The following ITPR1 variants were observed in gnomAD, a reference collection of about 807,000 sequenced individuals.
ITPR1 encodes the protein inositol 1,4,5-trisphosphate receptor type 1.
A neutral mutation model predicts 318.4 loss-of-function variants in ITPR1; 96 were observed. That is an observed-to-expected ratio of 0.30 (90% confidence interval 0.26 to 0.36). ITPR1 has a LOEUF of 0.36. ITPR1 is among the 10% of genes least tolerant of loss of function. The pLI, the probability that ITPR1 is intolerant of heterozygous loss-of-function variation, is 1.00. For missense variants in ITPR1, 2,440 were observed against 3,460.2 expected (o/e 0.71, Z 7.40); for synonymous variants, 1,312 against 1,289.9 (o/e 1.02, Z -0.37).
chr3:4,768,598 T>C lies in ITPR1; in HGVS notation c.5813T>C (p.Phe1938Ser). 1 of 1,613,968 alleles carries C rather than the reference T, an allele frequency of 6.2e-7. No homozygotes were observed. The highest frequency in any genetic ancestry group is 1.1e-5 in the South Asian group (1 of 91,084). Residue 1938 changes from phenylalanine to serine, a missense_variant, in exon 46 of 62, where the codon TTC becomes TCC. Around this residue, in one of 23 missense-constraint regions of ITPR1, gnomAD observed 113 missense variants for 103.6 expected, o/e 1.09. Transcript: ENST00000649015. ...GCCACCAGGAAAGCCTTCACCACTT[T>C]CAGGAGGGAGGCTGATCCCGACGAC... Reference protein sequence around the residue: ...SAATRKAFTTFRREADPDDHY... With the variant: ...SAATRKAFTTSRREADPDDHY...
intron 31 of ITPR1, 73 bp downstream of exon 31, chr3:4,688,693 CT>C (rs2094435513): frequency 3.4e-6 from 5 of 1,481,660 alleles, no homozygotes; most frequent in Admixed American, 3.7e-5. Flanking sequence ...ACAGCTTGTT[CT>C]TTGGCTGTTG....
At chr3:4,612,520 A>G (rs915375743) in intron 4 of ITPR1, among the ~76,000 whole-genome samples, 1 of 150,724 alleles carries the variant, frequency 6.6e-6, no homozygotes, top group Admixed American at 6.6e-5. Context: ...ATATCCCCCC[A>G]CTTCTGTCCC....
chr3:4,687,572 G>T (rs1247283474), intron 30 of ITPR1, among the ~76,000 whole-genome samples: 3 of 152,200 alleles, frequency 2.0e-5, no homozygotes, highest in African/African-American at 7.2e-5. Context: ...GACTTAGGAA[G>T]ACTATTGTGG....
intron 30 of ITPR1, among the ~76,000 whole-genome samples, chr3:4,685,753 T>C (rs1001666402): frequency 1.3e-5 from 2 of 152,220 alleles, no homozygotes; most frequent in African/African-American, 4.8e-5. Context: ...CATTGATACG[T>C]ATTTGATTTG....
At chr3:4,785,203 A>G (rs2047105085) in intron 51 of ITPR1, among the ~76,000 whole-genome samples, 1 of 152,192 alleles carries the variant, frequency 6.6e-6, no homozygotes, top group Admixed American at 6.5e-5. Flanking sequence ...GCTCAGAGAG[A>G]CTGTGTCACT....
chr3:4,504,453 G>T lies in ITPR1; in HGVS notation c.-17+9947G>T, dbSNP rs112503268. 1.0e-3 allele frequency among the ~76,000 whole-genome samples: 154 copies of T among 152,284 alleles called. No individual in the cohort carries two copies. The Middle Eastern group carries it at 0.017, about 17-fold the overall frequency. The stretch of plus-strand genomic sequence containing the variant: ...TTGGTGACTTCCTTTGGGACTGCCT[G>T]AAAACGAAAGCATAATACAATTTTC... On this transcript the variant is annotated intron_variant, in intron 2 of 61. Coordinates refer to ENST00000649015, the MANE Select transcript of ITPR1 (RefSeq NM_001378452.1).
At chr3:4,676,447 C>G (rs865926883) in intron 23 of ITPR1, among the ~76,000 whole-genome samples, 167 bp from the exon 24 acceptor site, 80 of 152,072 alleles carry the variant, frequency 5.3e-4, no homozygotes, top group African/African-American at 1.9e-3. Flanking sequence ...TCTCAGAAGC[C>G]CAGATTTTTG....
chr3:4,675,868 A>T (rs768572735), intron 23 of ITPR1, among the ~76,000 whole-genome samples: 2 of 152,168 alleles, frequency 1.3e-5, no homozygotes, highest in Non-Finnish European at 2.9e-5. Flanking sequence ...TCTTGTGCTG[A>T]GTCATGTTGC....
intron 55 of ITPR1, among the ~76,000 whole-genome samples, chr3:4,808,895 T>A (rs150005063): frequency 1.2e-4 from 18 of 152,282 alleles, no homozygotes; most frequent in South Asian, 4.1e-4. Flanking sequence ...GACCTGGTCG[T>A]GAGCCTGCAT....
At chr3:4,633,059 G>A (rs576265070) in intron 5 of ITPR1, among the ~76,000 whole-genome samples, 2 of 149,590 alleles carry the variant, frequency 1.3e-5, no homozygotes, top group Admixed American at 6.8e-5. Context: ...CTGCCTTAGC[G>A]TCCTGAGTAG....
chr3:4,726,852 A>G (rs1458211798), intron 41 of ITPR1, among the ~76,000 whole-genome samples: 1 of 152,182 alleles, frequency 6.6e-6, no homozygotes, highest in Admixed American at 6.5e-5. Flanking sequence ...CTTCTTTTTC[A>G]TGATCTTTGC....
chr3:4,812,604 G>A (rs914168216), intron 56 of ITPR1, among the ~76,000 whole-genome samples: 15 of 152,268 alleles, frequency 9.9e-5, no homozygotes, highest in African/African-American at 3.6e-4. Context: ...AATACTACTG[G>A]TTTTTCATCC....
intron 4 of ITPR1, among the ~76,000 whole-genome samples, chr3:4,531,847 G>A (rs1019438438): frequency 2.6e-5 from 4 of 152,160 alleles, no homozygotes; most frequent in Non-Finnish European, 5.9e-5. Flanking sequence ...GCAAGCAGCT[G>A]CTCCTTTTGC....
chr3:4,524,660 T>C (rs1316447693), intron 4 of ITPR1, among the ~76,000 whole-genome samples: 2 of 152,214 alleles, frequency 1.3e-5, no homozygotes, highest in African/African-American at 2.4e-5. Context: ...TCATAACCTG[T>C]TCTTAAGTAA....
At chr3:4,808,746 G>C (rs1024471939) in intron 55 of ITPR1, among the ~76,000 whole-genome samples, 7 of 152,212 alleles carry the variant, frequency 4.6e-5, no homozygotes, top group South Asian at 2.1e-4. Context: ...GCCTGTAAAA[G>C]GAGAGAGACC....
chr3:4,589,298 A>G (rs1327917560), intron 4 of ITPR1, among the ~76,000 whole-genome samples: 3 of 152,098 alleles, frequency 2.0e-5, no homozygotes, highest in Non-Finnish European at 4.4e-5. Context: ...TCATTCTCTT[A>G]TTTCGTGAAA....
intron 4 of ITPR1, among the ~76,000 whole-genome samples, chr3:4,548,309 G>C (rs1192762477): frequency 6.6e-6 from 1 of 152,110 alleles, no homozygotes; most frequent in Non-Finnish European, 1.5e-5. Flanking sequence ...TTATACATTT[G>C]GATTTCCTTT....
rs2093919137 is a variant in ITPR1, at chr3:4,665,135, C to A, written c.1555-3C>A. 1.2e-6 allele frequency: 2 copies of A among 1,613,880 alleles called. No individual in the cohort carries two copies. The highest frequency in any genetic ancestry group is 2.7e-5 in the African/African-American group (2 of 74,948). On this transcript the variant is annotated splice_polypyrimidine_tract_variant and splice_region_variant and intron_variant, in intron 16 of 61. Transcript: ENST00000649015. ...CATTTTTGCTTTTCATTTTCACAAA[C>A]AGATCTTCAAGTTGTTACAAGCCCC... is the stretch of plus-strand genomic sequence containing the variant.
At chr3:4,818,507 G>A (rs1388430458) in intron 60 of ITPR1, among the ~76,000 whole-genome samples, 1 of 152,168 alleles carries the variant, frequency 6.6e-6, no homozygotes, top group Non-Finnish European at 1.5e-5. Flanking sequence ...CACGGAACTG[G>A]GGCTGGGATT....
Sources: gnomAD v4.1 joint callset for allele counts (sites outside exome capture counted in the v4.1 genomes callset) on GRCh38, gnomAD v4.1.1 for gene constraint, gnomAD v4.1.1 regional missense constraint, MANE v1.5 for transcripts, NCBI Gene and HGNC (gene_info 2026-07-23, HGNC 2026-07-21) for gene names.